RGS22: variants seen among roughly 807,000 people sequenced by gnomAD.
RGS22 encodes the protein regulator of G-protein signaling 22.
A neutral mutation model predicts 172.9 loss-of-function variants in RGS22; 148 were observed. That is an observed-to-expected ratio of 0.86 (90% confidence interval 0.75 to 0.98). The LOEUF (loss-of-function observed/expected upper bound fraction) is 0.98. Ranked by LOEUF, RGS22 falls within the 50% of genes least tolerant of loss-of-function variation. The probability of loss-of-function intolerance (pLI) is 0.00; values close to 1 mark genes in which losing one functional copy is unlikely to be tolerated. For missense variants in RGS22, 1,347 were observed against 1,440.8 expected (o/e 0.93, Z 1.05); for synonymous variants, 458 against 480.2 (o/e 0.95, Z 0.60).
intron 11 of RGS22, among the ~76,000 whole-genome samples, chr8:100,043,488 C>A (rs570263521): frequency 6.6e-6 from 1 of 151,952 alleles, no homozygotes; most frequent in East Asian, 1.9e-4. Context: ...CAAGAGAAAC[C>A]TTTAGTGGCT....
At chr8:100,083,543 T>C (rs148959795) in intron 3 of RGS22, among the ~76,000 whole-genome samples, 3,619 of 152,092 alleles carry the variant, frequency 0.024, 56 homozygotes, top group Middle Eastern at 0.048. Context: ...AATTTTTGTA[T>C]TTTTAGTAGA....
At position 100,097,454 on chromosome 8, in the gene RGS22, A is replaced by G. The variant is rs774626701; in HGVS notation, c.55-3945T>C. On this transcript the variant is annotated intron_variant, in intron 2 of 27. Coordinates refer to ENST00000360863, the MANE Select transcript of RGS22 (RefSeq NM_015668.5). ...AAAAAATAAGATGGACTGATGGATG[A>G]TGAGATAGGACAGCTATGTGAAAAA... 1.2e-4 allele frequency among the ~76,000 whole-genome samples: 18 copies of G among 152,366 alleles called. 1 individual carries two copies. The highest frequency in any genetic ancestry group is 2.5e-4 in the Non-Finnish European group (17 of 68,028).
intron 17 of RGS22, among the ~76,000 whole-genome samples, chr8:100,003,313 A>C (rs1050853110): frequency 9.2e-5 from 14 of 151,964 alleles, no homozygotes; most frequent in Non-Finnish European, 4.4e-5. Context: ...AAATTAAAAA[A>C]ATTAATAAAT....
At chr8:100,026,258 G>A (rs560429820) in intron 14 of RGS22, among the ~76,000 whole-genome samples, 1 of 152,322 alleles carries the variant, frequency 6.6e-6, no homozygotes, top group Non-Finnish European at 1.5e-5. Flanking sequence ...CTGTGTCTCA[G>A]ATCACCTAAT....
chr8:100,057,547 T>C (rs1204780913), intron 9 of RGS22, among the ~76,000 whole-genome samples: 1 of 152,146 alleles, frequency 6.6e-6, no homozygotes, highest in Non-Finnish European at 1.5e-5. Flanking sequence ...GGTGGGTCTT[T>C]CCCATGCTGG....
intron 16 of RGS22, among the ~76,000 whole-genome samples, chr8:100,004,986 C>T (rs1815529435): frequency 6.6e-6 from 1 of 151,768 alleles, no homozygotes. Flanking sequence ...AATTCATCTC[C>T]CTATTTGTTT....
chr8:100,038,578 T>C (rs917963918), intron 14 of RGS22: 1 of 170,176 alleles, frequency 5.9e-6, no homozygotes, highest in Non-Finnish European at 1.3e-5. Flanking sequence ...CTGTTCCCCA[T>C]CACTTCAATG....
At chr8:99,971,327 T>C (rs1811315377) in intron 23 of RGS22, among the ~76,000 whole-genome samples, 1 of 152,192 alleles carries the variant, frequency 6.6e-6, no homozygotes, top group South Asian at 2.1e-4. Context: ...AAGACAAGGA[T>C]GCCCTCTCTC....
chr8:99,970,437 T>A (rs1452139555), intron 23 of RGS22, among the ~76,000 whole-genome samples: 2 of 151,932 alleles, frequency 1.3e-5, no homozygotes, highest in African/African-American at 4.8e-5. Flanking sequence ...AATCAATGAA[T>A]CCAGGAGCTG....
At position 100,105,762 on chromosome 8, in the gene RGS22, C is replaced by A. The variant is rs575782307; in HGVS notation, c.25+135G>T. The A allele has an allele frequency of 3.8e-4, 275 of 718,392 alleles. 1 individual carries two copies. Among genetic ancestry groups the A allele is most frequent in the Middle Eastern group, 2.6e-3 (9 of 3,510 alleles). 44.5% of individuals were successfully genotyped at this position (718,392 alleles called of 1,614,324 possible). On this transcript the variant is annotated intron_variant, in intron 1 of 27. Coordinates refer to ENST00000360863, the MANE Select transcript of RGS22 (RefSeq NM_015668.5). ...TTCGTCATAAAATCCAACAGGAGGG[C>A]AGTGAAGCCCTTTTTTCTCATGTCT...
intron 18 of RGS22, among the ~76,000 whole-genome samples, chr8:100,000,751 A>AC (rs1223506170): frequency 6.6e-6 from 1 of 152,168 alleles, no homozygotes; most frequent in Non-Finnish European, 1.5e-5. Flanking sequence ...TTATTGAGAC[A>AC]CCCAACCACT....
At chr8:99,990,155 C>T (rs895051117) in intron 20 of RGS22, among the ~76,000 whole-genome samples, 1 of 152,138 alleles carries the variant, frequency 6.6e-6, no homozygotes, top group Admixed American at 6.5e-5. Flanking sequence ...AAGAATAGAG[C>T]TCCTTATTCA....
intron 14 of RGS22, among the ~76,000 whole-genome samples, chr8:100,010,691 G>A (rs1439237306): frequency 6.6e-6 from 1 of 152,046 alleles, no homozygotes; most frequent in Non-Finnish European, 1.5e-5. Flanking sequence ...ACTGTTCTTG[G>A]CAGACAGTAG....
chr8:100,012,873 T>A (rs551825211), intron 14 of RGS22, among the ~76,000 whole-genome samples: 4 of 152,054 alleles, frequency 2.6e-5, no homozygotes, highest in Non-Finnish European at 5.9e-5. Flanking sequence ...AATTCAAAAC[T>A]ATAGTTTAAA....
At chr8:99,984,511 T>C (rs1812868053) in intron 21 of RGS22, among the ~76,000 whole-genome samples, 1 of 152,152 alleles carries the variant, frequency 6.6e-6, no homozygotes, top group Non-Finnish European at 1.5e-5. Context: ...AAGGTCTGAG[T>C]TTAAGCATAC....
chr8:100,056,731 C>CA (rs1425226552), intron 9 of RGS22, among the ~76,000 whole-genome samples: 3 of 152,212 alleles, frequency 2.0e-5, no homozygotes, highest in African/African-American at 7.2e-5. Context: ...GCCTAGATTT[C>CA]AGAGTATGTA....
intron 14 of RGS22, among the ~76,000 whole-genome samples, chr8:100,033,667 A>G (rs1819104538): frequency 6.6e-6 from 1 of 151,380 alleles, no homozygotes; most frequent in African/African-American, 2.4e-5. Flanking sequence ...CCTCCCAAAA[A>G]AAGAATTTTA....
At chr8:100,081,181 G>A (rs1811725543) in intron 3 of RGS22, among the ~76,000 whole-genome samples, 1 of 152,048 alleles carries the variant, frequency 6.6e-6, no homozygotes, top group African/African-American at 2.4e-5. Flanking sequence ...ACTTATACAT[G>A]CTTAGGCGAG....
chr8:99,979,502 C>T (rs1331639687), intron 22 of RGS22, among the ~76,000 whole-genome samples: 1 of 152,136 alleles, frequency 6.6e-6, no homozygotes, highest in African/African-American at 2.4e-5. Context: ...AGCTACTTTA[C>T]TCACTGCCAG....
Sources: allele counts gnomAD v4.1 joint callset (sites outside exome capture counted in the v4.1 genomes callset), GRCh38; gene constraint gnomAD v4.1.1; transcripts MANE v1.5; gene names NCBI Gene and HGNC (gene_info 2026-07-23, HGNC 2026-07-21).